GOLGA4: variants seen among roughly 807,000 people sequenced by gnomAD.
GOLGA4 encodes the protein golgin subfamily A member 4.
In GOLGA4, 169 loss-of-function variants were observed where a neutral mutation model predicts 265.9. That is an observed-to-expected ratio of 0.64 (90% CI 0.56 to 0.72). GOLGA4 has a LOEUF of 0.72. GOLGA4 is among the 30% of genes least tolerant of loss of function. The pLI is 0.00. For synonymous variants in GOLGA4, 923 were observed against 855.8 expected, an observed-to-expected ratio of 1.08 and a Z score of -1.37; for missense variants, 2,482 against 2,483.4, an observed-to-expected ratio of 1.00 and a Z score of 0.01.
At chr3:37,258,061 G>GTATATATACATACATA (rs1224892695) in intron 2 of GOLGA4, among the ~76,000 whole-genome samples, 2 of 73,960 alleles carry the variant, frequency 2.7e-5, no homozygotes, top group African/African-American at 9.5e-5. Context: ...ATATATGTAT[G>GTATATATACATACATA]TATATATGTA....
chr3:37,283,322 A>G (rs1026137882), intron 3 of GOLGA4, among the ~76,000 whole-genome samples: 2 of 152,218 alleles, frequency 1.3e-5, no homozygotes, highest in African/African-American at 2.4e-5. Flanking sequence ...CATGTATGTC[A>G]TGAGGCACTT....
intron 2 of GOLGA4, among the ~76,000 whole-genome samples, chr3:37,277,080 C>T (rs1017283156): frequency 3.9e-5 from 6 of 152,070 alleles, no homozygotes; most frequent in Non-Finnish European, 8.8e-5. Flanking sequence ...TAATACTTGA[C>T]CAGCTTATCT....
intron 19 of GOLGA4, 55 bp from the exon 20 acceptor site, chr3:37,340,069 C>G (rs1367638774): frequency 1.3e-6 from 1 of 744,696 alleles, no homozygotes; most frequent in Non-Finnish European, 2.3e-6. Flanking sequence ...CTTTCTTTTT[C>G]TTACATACAG....
intron 2 of GOLGA4, among the ~76,000 whole-genome samples, chr3:37,254,739 C>T (rs1250966467): frequency 7.9e-5 from 12 of 151,132 alleles, no homozygotes; most frequent in African/African-American, 2.2e-4. Flanking sequence ...CTTGACTTCG[C>T]GATCTGCCTG....
At position 37,326,540 on chromosome 3, in the gene GOLGA4, A is replaced by C. The variant is rs767288760; in HGVS notation, c.4654A>C (p.Asn1552His). Residue 1552 changes from asparagine (N) to histidine (H), a missense_variant, in exon 14 of 24, where the codon AAT becomes CAT. Around this residue, in one of 3 missense-constraint regions of GOLGA4, gnomAD observed 942 missense variants for 983.1 expected, o/e 0.96. Coordinates refer to ENST00000361924, the MANE Select transcript of GOLGA4 (RefSeq NM_002078.5). ...ESLNEVLKNY[N>H]QQKDIEHKEL... ...CTTAAATGAAGTTCTTAAAAATTAC[A>C]ATCAACAAAAGGATATTGAACACAA... The C allele has an allele frequency of 2.5e-6, 4 of 1,608,098 alleles. No individual in the cohort carries two copies. In the South Asian group the frequency reaches 4.5e-5, roughly 18 times the overall value.
intron 21 of GOLGA4, among the ~76,000 whole-genome samples, chr3:37,350,677 TC>T (rs1391345913): frequency 6.6e-6 from 1 of 152,116 alleles, no homozygotes; most frequent in Non-Finnish European, 1.5e-5. Context: ...CGGGTTCAGT[TC>T]TAGACCACTG....
chr3:37,260,337 A>C (rs190255282), intron 2 of GOLGA4, among the ~76,000 whole-genome samples: 1 of 152,212 alleles, frequency 6.6e-6, no homozygotes, highest in East Asian at 1.9e-4. Context: ...AAACAGGGCC[A>C]TCTGCCAGGT....
intron 23 of GOLGA4, among the ~76,000 whole-genome samples, chr3:37,362,322 C>T (rs1364271442): frequency 2.7e-5 from 4 of 148,140 alleles, no homozygotes; most frequent in African/African-American, 4.9e-5. Context: ...CTGCAAGCTC[C>T]GCCTCCCGGG....
intron 21 of GOLGA4, among the ~76,000 whole-genome samples, chr3:37,353,937 G>A (rs1165963121): frequency 6.6e-6 from 1 of 151,934 alleles, no homozygotes; most frequent in East Asian, 1.9e-4. Flanking sequence ...AAGATAAACG[G>A]AAGAAGAGGT....
chr3:37,328,313 C>A, intron 14 of GOLGA4, 103 bp from the exon 15 acceptor site: 3 of 1,066,932 alleles, frequency 2.8e-6, no homozygotes, highest in African/African-American at 1.6e-5. Flanking sequence ...AAAATGTTTT[C>A]ATACAATGAA....
chr3:37,364,612 C>T (rs1553632178), intron 23 of GOLGA4, among the ~76,000 whole-genome samples: 2 of 149,510 alleles, frequency 1.3e-5, no homozygotes, highest in South Asian at 2.1e-4. Flanking sequence ...TTTTTTTGCC[C>T]CCCAGCATGG....
intron 2 of GOLGA4, 100 bp from the exon 3 acceptor site, chr3:37,281,858 A>T (rs1398554417): frequency 1.2e-6 from 1 of 828,290 alleles, no homozygotes; most frequent in Admixed American, 2.3e-5. Context: ...ATATAAATTC[A>T]ACTTGTTAGA....
intron 7 of GOLGA4, among the ~76,000 whole-genome samples, chr3:37,296,566 G>GT (rs2096878926): frequency 6.6e-6 from 1 of 152,150 alleles, no homozygotes; most frequent in Non-Finnish European, 1.5e-5. Flanking sequence ...GAAAATAAGT[G>GT]TTTTTTGTTT....
chr3:37,298,087 T>C (rs528231820), intron 7 of GOLGA4, among the ~76,000 whole-genome samples: 1 of 151,992 alleles, frequency 6.6e-6, no homozygotes, highest in African/African-American at 2.4e-5. Flanking sequence ...GGAAGTGTCC[T>C]TATATTTGTA....
rs1406854448 is a variant in GOLGA4 at position 37,340,401 on chromosome 3, TAA to T, written c.6472+204_6472+205del. On this transcript the variant is annotated intron_variant, in intron 20 of 23. Transcript: ENST00000361924. ...AGTTATAGATTCATTGTGGAATGGTTAAACTAAGTGCATTACCTGACATACTA... is the reference window on the plus strand; with the variant it reads ...AGTTATAGATTCATTGTGGAATGGTTACTAAGTGCATTACCTGACATACTA... Among the ~76,000 whole-genome samples the T allele has an allele frequency of 2.6e-5, 4 of 152,324 alleles. No homozygotes were observed. In the East Asian group the frequency reaches 7.7e-4, roughly 29 times the overall value.
intron 23 of GOLGA4, among the ~76,000 whole-genome samples, chr3:37,362,780 C>CTTTTTTTTTTATTTTTTT (rs1696420717): frequency 1.3e-5 from 1 of 75,464 alleles, no homozygotes; most frequent in Non-Finnish European, 2.8e-5. Context: ...AGCCTCTAAG[C>CTTTTTTTTTTATTTTTTT]TTTTTTTTTT....
chr3:37,311,078 C>T (rs958134538), intron 10 of GOLGA4, among the ~76,000 whole-genome samples: 2 of 151,984 alleles, frequency 1.3e-5, no homozygotes, highest in Non-Finnish European at 2.9e-5. Flanking sequence ...CTGTGGGCAC[C>T]ATTTCTAGGG....
At chr3:37,267,037 C>T in intron 2 of GOLGA4, 1 of 438,880 alleles carries the variant, frequency 2.3e-6, no homozygotes, top group East Asian at 7.3e-5. Context: ...CACTTACCAT[C>T]TCTCAAAGTA....
At chr3:37,244,431 T>G (rs527518627) in intron 1 of GOLGA4, among the ~76,000 whole-genome samples, 1 of 152,328 alleles carries the variant, frequency 6.6e-6, no homozygotes, top group South Asian at 2.1e-4. Context: ...TTAAGTAGTA[T>G]TAATTTAAAG....
Sources: allele counts gnomAD v4.1 joint callset (sites outside exome capture counted in the v4.1 genomes callset), GRCh38; gene constraint gnomAD v4.1.1; regional missense constraint gnomAD v4.1.1; transcripts MANE v1.5; gene names NCBI Gene and HGNC (gene_info 2026-07-23, HGNC 2026-07-21).